PDSS2: variants seen among roughly 807,000 people sequenced by gnomAD.
PDSS2 encodes the protein all trans-polyprenyl-diphosphate synthase PDSS2.
PDSS2 carries 31 observed loss-of-function variants against 44.5 expected under a neutral mutation model. That is an observed-to-expected ratio of 0.70 (90% confidence interval 0.52 to 0.94). The LOEUF is 0.94. Among genes scored for constraint, PDSS2 ranks in the 40% least tolerant of loss-of-function variants. The pLI is 0.00. For missense variants in PDSS2, 452 were observed against 482.2 expected, an observed-to-expected ratio of 0.94 and a Z score of 0.59; for synonymous variants, 157 against 180.3, an observed-to-expected ratio of 0.87 and a Z score of 1.03.
chr6:107,252,007 A>C (rs2110903), intron 3 of PDSS2, among the ~76,000 whole-genome samples: 121,634 of 152,162 alleles, frequency 0.8, 49,630 homozygotes, highest in East Asian at 1. Flanking sequence ...CAAACCATCT[A>C]ATTCCAGGTA....
intron 7 of PDSS2, among the ~76,000 whole-genome samples, chr6:107,173,572 C>CAAAAAAAAAAAA (rs71012783): frequency 2.4e-5 from 1 of 41,512 alleles, no homozygotes; most frequent in African/African-American, 1.3e-4. Context: ...GACTCTGTCT[C>CAAAAAAAAAAAA]AAAAAAAAAA....
At chr6:107,233,685 C>T (rs1314412190) in intron 4 of PDSS2, among the ~76,000 whole-genome samples, 1 of 151,860 alleles carries the variant, frequency 6.6e-6, no homozygotes, top group African/African-American at 2.4e-5. Context: ...TGGTGGTGTA[C>T]AACTGTAGTC....
chr6:107,337,057 AC>A (rs1692515764), intron 1 of PDSS2, among the ~76,000 whole-genome samples: 1 of 150,488 alleles, frequency 6.6e-6, no homozygotes, highest in African/African-American at 2.4e-5. Flanking sequence ...ACACACACAC[AC>A]ACACACACAC....
intron 1 of PDSS2, among the ~76,000 whole-genome samples, chr6:107,365,068 CAA>C (rs1329116843): frequency 2.0e-5 from 3 of 151,806 alleles, no homozygotes; most frequent in Non-Finnish European, 4.4e-5. Flanking sequence ...CATGAAGAAA[CAA>C]AGAGTGTAAA....
chr6:107,174,407 T>G (rs1260082161), intron 7 of PDSS2, among the ~76,000 whole-genome samples: 1 of 152,172 alleles, frequency 6.6e-6, no homozygotes, highest in African/African-American at 2.4e-5. Context: ...AGCTGTGGGT[T>G]CCCTATTATT....
chr6:107,458,412 C>CAAAAAAAAAAAAAAAAAAAAAAAAA lies in PDSS2; in HGVS notation c.296+577_296+578insTTTTTTTTTTTTTTTTTTTTTTTTT, dbSNP rs60758453. 2.9e-4 allele frequency among the ~76,000 whole-genome samples: 23 copies of CAAAAAAAAAAAAAAAAAAAAAAAAA among 78,156 alleles called. 5 individuals are homozygous for CAAAAAAAAAAAAAAAAAAAAAAAAA. Among genetic ancestry groups the CAAAAAAAAAAAAAAAAAAAAAAAAA allele is most frequent in the African/African-American group, 7.7e-4 (12 of 15,628 alleles). 51.3% of individuals were successfully genotyped at this position (78,156 alleles called of 152,430 possible). A position where few individuals can be genotyped will look rare whatever the true frequency, so the allele number is the denominator to read the frequency against. ...TGGGCGACAAAGCGAGACTCCGTCTCAAAAAAAAAAAAAAAAAAAACTTTT... is the reference window on the plus strand; with the variant it reads ...TGGGCGACAAAGCGAGACTCCGTCTCAAAAAAAAAAAAAAAAAAAAAAAAAAAAAAAAAAAAAAAAAAAAACTTTT... On this transcript the variant is annotated intron_variant, in intron 1 of 7. Transcript: ENST00000369037.
chr6:107,379,994 A>G (rs1346496762), intron 1 of PDSS2, among the ~76,000 whole-genome samples: 11 of 151,862 alleles, frequency 7.2e-5, no homozygotes, highest in Admixed American at 5.2e-4. Flanking sequence ...TTATATTTAG[A>G]AATATTTTTT....
chr6:107,446,605 GGC>G (rs1562546574), intron 1 of PDSS2, among the ~76,000 whole-genome samples: 1 of 152,168 alleles, frequency 6.6e-6, no homozygotes, highest in Non-Finnish European at 1.5e-5. Flanking sequence ...AAAGAAAAGA[GGC>G]TTAATTGACT....
intron 1 of PDSS2, among the ~76,000 whole-genome samples, chr6:107,439,182 T>C (rs1317222335): frequency 6.6e-6 from 1 of 152,216 alleles, no homozygotes; most frequent in Non-Finnish European, 1.5e-5. Flanking sequence ...AATGATGTTG[T>C]ATTTAATCTG....
At chr6:107,301,392 A>G (rs1776688893) in intron 2 of PDSS2, among the ~76,000 whole-genome samples, 1 of 152,198 alleles carries the variant, frequency 6.6e-6, no homozygotes, top group Non-Finnish European at 1.5e-5. Context: ...CTTGAAAGTT[A>G]TATTAATATA....
intron 1 of PDSS2, among the ~76,000 whole-genome samples, chr6:107,378,439 T>A (rs1229324157): frequency 6.6e-6 from 1 of 152,152 alleles, no homozygotes; most frequent in African/African-American, 2.4e-5. Flanking sequence ...TGTATTTCTA[T>A]ATGCTAGCAA....
At chr6:107,408,893 A>G (rs1780404989) in intron 1 of PDSS2, among the ~76,000 whole-genome samples, 1 of 152,178 alleles carries the variant, frequency 6.6e-6, no homozygotes, top group Non-Finnish European at 1.5e-5. Flanking sequence ...ATGACAGGAA[A>G]CAATACTTCC....
intron 5 of PDSS2, 88 bp from the exon 6 acceptor site, chr6:107,210,658 G>C: frequency 1.1e-6 from 1 of 883,866 alleles, no homozygotes; most frequent in Non-Finnish European, 1.9e-6. Flanking sequence ...AGTTAATGCA[G>C]TGAAATATGA....
At chr6:107,258,145 T>G (rs1233008788) in intron 3 of PDSS2, among the ~76,000 whole-genome samples, 1 of 152,214 alleles carries the variant, frequency 6.6e-6, no homozygotes, top group African/African-American at 2.4e-5. Context: ...ATATAAAATT[T>G]TCAACACAAA....
In PDSS2 at chr6:107,195,610, G is replaced by C. The variant is rs924396648; in HGVS notation, c.1009-1756C>G. 2.0e-5 allele frequency among the ~76,000 whole-genome samples: 3 copies of C among 148,858 alleles called. No individual in the cohort carries two copies. The East Asian group carries it at 6.0e-4, about 30-fold the overall frequency. On this transcript the variant is annotated intron_variant, in intron 6 of 7. Transcript: ENST00000369037. ...CAGTCTTGCTCTGTCGTCCAGGCTG[G>C]AGTGCAGTGGTGTATCTCGGCTCAC...
intron 3 of PDSS2, chr6:107,264,220 G>A: frequency 6.6e-6 from 8 of 1,208,270 alleles, no homozygotes; most frequent in Non-Finnish European, 8.6e-6. Flanking sequence ...TATATAGATG[G>A]TGTAAAGGGA....
In PDSS2 at chr6:107,338,972, G is replaced by T. The variant is rs540706081; in HGVS notation, c.297-4640C>A. 1.5e-3 allele frequency among the ~76,000 whole-genome samples: 232 copies of T among 151,946 alleles called. 3 individuals are homozygous for T. The South Asian group carries it at 0.028, about 18-fold the overall frequency. On this transcript the variant is annotated intron_variant, in intron 1 of 7. Transcript: ENST00000369037. ...ACTCTTGGCCTCAAGTGATCTTCTG[G>T]CCTGGCATCCCTAAGTGCTGGGATT...
chr6:107,266,132 T>A (rs1454255827), intron 3 of PDSS2, among the ~76,000 whole-genome samples: 1 of 152,228 alleles, frequency 6.6e-6, no homozygotes, highest in East Asian at 1.9e-4. Context: ...ATTATTCTGA[T>A]GAAAATATTG....
At chr6:107,454,386 TTTAA>T (rs1562552574) in intron 1 of PDSS2, among the ~76,000 whole-genome samples, 1 of 152,272 alleles carries the variant, frequency 6.6e-6, no homozygotes, top group Non-Finnish European at 1.5e-5. Context: ...TCAATAAACA[TTTAA>T]TTAATTATTT....
Sources: gnomAD v4.1 joint callset for allele counts (sites outside exome capture counted in the v4.1 genomes callset) on GRCh38, gnomAD v4.1.1 for gene constraint, MANE v1.5 for transcripts, NCBI Gene and HGNC (gene_info 2026-07-23, HGNC 2026-07-21) for gene names.